APBA2: variants seen among roughly 807,000 people sequenced by gnomAD.
The protein encoded by APBA2 is amyloid-beta A4 precursor protein-binding family A member 2.
APBA2 carries 30 observed loss-of-function variants against 75.0 expected under a neutral mutation model. That is an observed-to-expected ratio of 0.40 (90% CI 0.30 to 0.54). The LOEUF is 0.54. Ranked by LOEUF, APBA2 falls within the 20% of genes least tolerant of loss-of-function variation. APBA2 has a pLI of 0.49. For missense variants in APBA2, 801 were observed against 1,016.1 expected, an observed-to-expected ratio of 0.79 and a Z score of 2.88; for synonymous variants, 444 against 409.6, an observed-to-expected ratio of 1.08 and a Z score of -1.01.
At chr15:28,975,873 C>T (rs2037311027) in intron 2 of APBA2, among the ~76,000 whole-genome samples, 1 of 152,180 alleles carries the variant, frequency 6.6e-6, no homozygotes, top group Non-Finnish European at 1.5e-5. Context: ...CCTCTATTGG[C>T]GAGGCTGTGG....
In APBA2 at chr15:29,104,886, C is replaced by T. The variant is rs969816223; in HGVS notation, c.1525-493C>T. On this transcript the variant is annotated intron_variant, in intron 10 of 14. Coordinates refer to ENST00000683413, the MANE Select transcript of APBA2 (RefSeq NM_001353788.2). Reference sequence around the variant, plus strand: ...ATCACTTATGTCCAGGAGTTTGAGACCAGCCTGGGCAATATGGCAAGACCC... The same window carrying T: ...ATCACTTATGTCCAGGAGTTTGAGATCAGCCTGGGCAATATGGCAAGACCC... 6.6e-5 allele frequency among the ~76,000 whole-genome samples: 10 copies of T among 152,118 alleles called. No homozygotes were observed. In the South Asian group the frequency reaches 1.7e-3, roughly 25 times the overall value.
Position 29,000,747 on chromosome 15 carries a change from C to T in APBA2, c.-41+4941C>T, listed in dbSNP as rs534467651. Among the ~76,000 whole-genome samples, 174 of 152,310 alleles carry T rather than the reference C, an allele frequency of 1.1e-3. 1 individual carries two copies. Among genetic ancestry groups the T allele is most frequent in the African/African-American group, 4.0e-3 (165 of 41,554 alleles). On this transcript the variant is annotated intron_variant, in intron 3 of 14. Coordinates refer to ENST00000683413, the MANE Select transcript of APBA2 (RefSeq NM_001353788.2). ...CAGGGACTACAGGCATGTGCCACCA[C>T]ACCCAGCTTATTTTTATGTATTGTT... is the stretch of plus-strand genomic sequence containing the variant.
At chr15:29,026,773 T>C (rs2040242739) in intron 3 of APBA2, among the ~76,000 whole-genome samples, 1 of 151,068 alleles carries the variant, frequency 6.6e-6, no homozygotes, top group East Asian at 2.0e-4. Flanking sequence ...AAAAAAAAAT[T>C]AGCTGGGCAT....
intron 2 of APBA2, among the ~76,000 whole-genome samples, chr15:28,957,889 A>G (rs762347194): frequency 5.3e-5 from 8 of 152,176 alleles, no homozygotes; most frequent in Non-Finnish European, 1.0e-4. Flanking sequence ...AGGGAGCACC[A>G]TCTGGTTTGA....
rs1288265028 is a variant in APBA2, at chr15:29,047,465, A to G, written c.-40-6380A>G. On this transcript the variant is annotated intron_variant, in intron 3 of 14. Coordinates refer to ENST00000683413, the MANE Select transcript of APBA2 (RefSeq NM_001353788.2). ...AATACCAATCCTATCTTCATTTACAATTTTGATATTTTGTTCATCATGGAT... is the reference window on the plus strand; with the variant it reads ...AATACCAATCCTATCTTCATTTACAGTTTTGATATTTTGTTCATCATGGAT... Among the ~76,000 whole-genome samples, 4 of 152,278 alleles carry G rather than the reference A, an allele frequency of 2.6e-5. No homozygotes were observed. In the East Asian group the frequency reaches 5.8e-4, roughly 22 times the overall value.
Position 29,054,407 on chromosome 15 carries a change from C to T in APBA2, c.523C>T (p.Leu175Phe). The T allele has an allele frequency of 1.2e-6, 2 of 1,614,144 alleles. No individual in the cohort carries two copies. The highest frequency in any genetic ancestry group is 1.7e-6 in the Non-Finnish European group (2 of 1,180,038). ...LPIPEDEPSV[L>F]EAHDQEEDGH... Reference sequence around the variant, plus strand: ...CATTCCGGAGGATGAGCCCTCCGTCCTTGAGGCCCATGACCAGGAAGAAGA... The same window carrying T: ...CATTCCGGAGGATGAGCCCTCCGTCTTTGAGGCCCATGACCAGGAAGAAGA... The change falls in exon 4 of 15, where the codon CTT (leucine) becomes TTT (phenylalanine). Residue 175 changes from leucine (L) to phenylalanine (F), a missense_variant. Physicochemically the swap from Leu to Phe is conservative, Grantham distance 22. Transcript: ENST00000683413. The surrounding 1 kb of genome is among the most constrained non-coding windows in gnomAD (Gnocchi z 6.1).
chr15:28,908,441 C>G (rs1199191065), intron 1 of APBA2, among the ~76,000 whole-genome samples: 6 of 151,584 alleles, frequency 4.0e-5, no homozygotes, highest in Admixed American at 2.6e-4. Context: ...CTCCCAAGTA[C>G]CTGGGACTAC....
At chr15:29,096,155 A>T (rs1477468652) in intron 8 of APBA2, among the ~76,000 whole-genome samples, 2 of 152,222 alleles carry the variant, frequency 1.3e-5, no homozygotes, top group African/African-American at 4.8e-5. Context: ...GCCCGGCCAC[A>T]GCCATGGGGA....
At chr15:29,040,999 G>C (rs1433051766) in intron 3 of APBA2, among the ~76,000 whole-genome samples, 1 of 148,672 alleles carries the variant, frequency 6.7e-6, no homozygotes, top group Non-Finnish European at 1.5e-5. Context: ...GAAATTAACA[G>C]AAACATAGAA....
intron 2 of APBA2, among the ~76,000 whole-genome samples, chr15:28,930,791 G>A (rs192970057): frequency 2.8e-4 from 42 of 152,310 alleles, no homozygotes; most frequent in Non-Finnish European, 4.0e-4. Flanking sequence ...CCTGCGACCT[G>A]TGGGAGGCCT....
chr15:28,936,879 G>A (rs879684256), intron 2 of APBA2, among the ~76,000 whole-genome samples: 37 of 151,796 alleles, frequency 2.4e-4, no homozygotes, highest in Admixed American at 3.3e-4. Context: ...GGCAGAAATG[G>A]TCCTCGATCT....
At chr15:29,061,059 C>T (rs923574649) in intron 4 of APBA2, among the ~76,000 whole-genome samples, 12 of 152,166 alleles carry the variant, frequency 7.9e-5, no homozygotes, top group African/African-American at 2.2e-4. Flanking sequence ...GGGCAACTCA[C>T]CCACACTCCT....
At chr15:29,004,282 T>A (rs2038998754) in intron 3 of APBA2, among the ~76,000 whole-genome samples, 1 of 152,168 alleles carries the variant, frequency 6.6e-6, no homozygotes, top group Non-Finnish European at 1.5e-5. Context: ...GTCTTGGAAG[T>A]GAAGGTCTTA....
At chr15:29,075,675 T>G (rs2042818555) in intron 5 of APBA2, among the ~76,000 whole-genome samples, 2 of 152,248 alleles carry the variant, frequency 1.3e-5, no homozygotes, top group African/African-American at 4.8e-5. Context: ...ATTATTTAAC[T>G]TTGATGAAAT....
intron 1 of APBA2, among the ~76,000 whole-genome samples, chr15:28,896,402 C>T (rs999127277): frequency 2.6e-5 from 4 of 152,148 alleles, no homozygotes; most frequent in Admixed American, 2.0e-4. Context: ...GCCTCAGCCT[C>T]CCCAGCAGCT....
chr15:29,052,744 AG>A (rs1225990125), intron 3 of APBA2, among the ~76,000 whole-genome samples: 1 of 152,214 alleles, frequency 6.6e-6, no homozygotes, highest in East Asian at 1.9e-4. Flanking sequence ...TGTTTCTCAC[AG>A]TTCTGGAGGC....
At chr15:29,025,157 C>T (rs2040152357) in intron 3 of APBA2, among the ~76,000 whole-genome samples, 1 of 151,982 alleles carries the variant, frequency 6.6e-6, no homozygotes. Flanking sequence ...TGACTAGTTA[C>T]CATTTATTAA....
At chr15:28,915,798 A>T (rs1225398108) in intron 1 of APBA2, among the ~76,000 whole-genome samples, 2 of 148,392 alleles carry the variant, frequency 1.3e-5, no homozygotes, top group Non-Finnish European at 3.0e-5. Flanking sequence ...CACACACACA[A>T]CACATTCACA....
intron 12 of APBA2, among the ~76,000 whole-genome samples, chr15:29,107,949 G>A (rs920180563): frequency 6.6e-6 from 1 of 152,160 alleles, no homozygotes; most frequent in African/African-American, 2.4e-5. Context: ...CCTGGTGCCA[G>A]GTGCGTTGGT....
Sources: allele counts gnomAD v4.1 joint callset (sites outside exome capture counted in the v4.1 genomes callset), GRCh38; gene constraint gnomAD v4.1.1; non-coding constraint Gnocchi (gnomAD v3.1); transcripts MANE v1.5; gene names NCBI Gene and HGNC (gene_info 2026-07-23, HGNC 2026-07-21).